The following RASSF8 variants were observed in gnomAD, a reference collection of about 807,000 sequenced individuals.
The protein encoded by RASSF8 is ras association domain-containing protein 8.
In RASSF8, 22 loss-of-function variants were observed where a neutral mutation model predicts 48.5. The observed-to-expected ratio is 0.45, with a 90% CI of 0.32 to 0.65. The LOEUF (loss-of-function observed/expected upper bound fraction) is 0.65, where lower values mean the gene tolerates loss of function less well. Ranked by LOEUF, RASSF8 falls within the 30% of genes least tolerant of loss-of-function variation. The pLI, the probability that RASSF8 is intolerant of heterozygous loss-of-function variation, is 0.03. For missense variants in RASSF8, 418 were observed against 489.2 expected, an observed-to-expected ratio of 0.85 and a Z score of 1.37; for synonymous variants, 127 against 171.5, an observed-to-expected ratio of 0.74 and a Z score of 2.03.
At chr12:26,076,600 C>T (rs1013161958), downstream of RASSF8, among the ~76,000 whole-genome samples, 4 of 151,954 alleles carry the variant, frequency 2.6e-5, no homozygotes, top group Admixed American at 2.0e-4. Flanking sequence ...TCAACTCATC[C>T]TTTTTTTATG....
intron 3 of RASSF8, among the ~76,000 whole-genome samples, chr12:26,058,538 GCA>G (rs61465811): frequency 0.14 from 21,600 of 149,016 alleles, 1,664 homozygotes; most frequent in African/African-American, 0.21. Flanking sequence ...ACGCGCGCGC[GCA>G]CACACACACA....
chr12:26,024,981 C>T (rs1329126421), intron 2 of RASSF8, among the ~76,000 whole-genome samples: 2 of 151,936 alleles, frequency 1.3e-5, no homozygotes, highest in African/African-American at 4.8e-5. Flanking sequence ...CAATTTAATA[C>T]ACTACATCAA....
At position 25,965,030 on chromosome 12, in the gene RASSF8, C is replaced by T. The variant is rs544587437; in HGVS notation, c.-203+5882C>T. Among the ~76,000 whole-genome samples the T allele has an allele frequency of 1.3e-3, 201 of 152,138 alleles. 2 individuals are homozygous for T. The highest frequency in any genetic ancestry group is 2.4e-3 in the Non-Finnish European group (164 of 68,012). On this transcript the variant is annotated intron_variant, in intron 1 of 5. Transcript: ENST00000689635. ...CGATCTTGGCTCACTGCAAGCTCCG[C>T]CTCCCGGGTTCATGCCATTCTCCCG...
intron 2 of RASSF8, among the ~76,000 whole-genome samples, chr12:26,005,142 CTT>C (rs1414173017): frequency 6.6e-6 from 1 of 150,626 alleles, no homozygotes; most frequent in African/African-American, 2.5e-5. Flanking sequence ...GTATTTGTGT[CTT>C]TTTAAATTTT....
chr12:26,025,084 C>T (rs1942876476), intron 2 of RASSF8, among the ~76,000 whole-genome samples: 1 of 152,128 alleles, frequency 6.6e-6, no homozygotes, highest in South Asian at 2.1e-4. Flanking sequence ...ATTCAACAAA[C>T]TAGGAATAGA....
chr12:25,958,416 G>T (rs1941130178), upstream of RASSF8: 1 of 151,664 alleles, frequency 6.6e-6, no homozygotes, highest in East Asian at 2.0e-4. Flanking sequence ...CCCGAGGGTC[G>T]CGCCGAGCTC....
intron 1 of RASSF8, among the ~76,000 whole-genome samples, chr12:25,964,905 C>T (rs551512354): frequency 1.3e-4 from 19 of 151,822 alleles, no homozygotes; most frequent in Admixed American, 4.6e-4. Context: ...TAATGACTTC[C>T]CTTATATTTC....
chr12:25,994,229 C>T (rs755419320), intron 1 of RASSF8, among the ~76,000 whole-genome samples: 8 of 150,482 alleles, frequency 5.3e-5, no homozygotes, highest in South Asian at 2.1e-4. Context: ...CATTTGGGGG[C>T]GGTATTTTCT....
intron 3 of RASSF8, among the ~76,000 whole-genome samples, chr12:26,058,639 C>T (rs972593704): frequency 2.0e-5 from 3 of 152,084 alleles, no homozygotes; most frequent in Non-Finnish European, 4.4e-5. Flanking sequence ...TAGAAACTAT[C>T]AAAATGACTT....
At chr12:26,027,720 C>G (rs1177330567) in intron 2 of RASSF8, among the ~76,000 whole-genome samples, 1 of 152,104 alleles carries the variant, frequency 6.6e-6, no homozygotes, top group African/African-American at 2.4e-5. Context: ...TATTAAGCAC[C>G]TATTATGTGT....
At chr12:25,987,154 G>A (rs1035014681) in intron 1 of RASSF8, among the ~76,000 whole-genome samples, 41 of 152,032 alleles carry the variant, frequency 2.7e-4, no homozygotes, top group Admixed American at 5.2e-4. Context: ...GGCTGGTCTC[G>A]AACTCCCAAC....
At chr12:25,980,303 T>C (rs1211295380) in intron 1 of RASSF8, among the ~76,000 whole-genome samples, 1 of 152,230 alleles carries the variant, frequency 6.6e-6, no homozygotes, top group African/African-American at 2.4e-5. Context: ...AATATGACTC[T>C]TTCCGTAATC....
At chr12:25,974,365 T>C (rs1218983367) in intron 1 of RASSF8, among the ~76,000 whole-genome samples, 1 of 152,106 alleles carries the variant, frequency 6.6e-6, no homozygotes, top group African/African-American at 2.4e-5. Context: ...TGATTTTAAA[T>C]GTGAGCAATG....
chr12:25,986,179 C>T (rs1180167313), intron 1 of RASSF8, among the ~76,000 whole-genome samples: 3 of 152,062 alleles, frequency 2.0e-5, no homozygotes, highest in Middle Eastern at 3.2e-3. Flanking sequence ...AAGTTGGGTT[C>T]AGATGTACCC....
chr12:25,981,465 G>A (rs770528562), intron 1 of RASSF8, among the ~76,000 whole-genome samples: 5 of 152,098 alleles, frequency 3.3e-5, no homozygotes, highest in East Asian at 1.9e-4. Flanking sequence ...GATGTTCCTC[G>A]TAGACAAAGA....
At chr12:25,962,037 T>TAG (rs1941248073) in intron 1 of RASSF8, among the ~76,000 whole-genome samples, 1 of 144,958 alleles carries the variant, frequency 6.9e-6, no homozygotes, top group African/African-American at 2.6e-5. Flanking sequence ...TGCAGTCTGT[T>TAG]TTACTACCAG....
At chr12:26,034,775 A>T (rs561284785) in intron 2 of RASSF8, among the ~76,000 whole-genome samples, 1 of 152,130 alleles carries the variant, frequency 6.6e-6, no homozygotes, top group Non-Finnish European at 1.5e-5. Flanking sequence ...ACACAGCAAA[A>T]TTATTTATTA....
chr12:25,995,979 C>T (rs1942123685), intron 2 of RASSF8, among the ~76,000 whole-genome samples: 1 of 152,166 alleles, frequency 6.6e-6, no homozygotes, highest in African/African-American at 2.4e-5. Flanking sequence ...TGATTTCCCC[C>T]TGAAATAAAA....
chr12:26,069,236 A>AC lies in RASSF8; in HGVS notation c.*419dup, dbSNP rs553831721. ...AATATTTTTATTGACTTATCCTGTGACTGACTTACGTTACATATTGTGTGA... is the reference window on the plus strand; with the variant it reads ...AATATTTTTATTGACTTATCCTGTGACCTGACTTACGTTACATATTGTGTGA... On this transcript the variant is annotated 3_prime_UTR_variant, in exon 6 of 6. Coordinates refer to ENST00000689635, the MANE Select transcript of RASSF8 (RefSeq NM_001394098.1). 405 of 987,982 alleles carry AC rather than the reference A, an allele frequency of 4.1e-4. 1 individual carries two copies. The highest frequency in any genetic ancestry group is 1.5e-3 in the Middle Eastern group (3 of 1,956). 61.2% of individuals were successfully genotyped at this position (987,982 alleles called of 1,614,324 possible). A position where few individuals can be genotyped will look rare whatever the true frequency, so the allele number is the denominator to read the frequency against.
Sources: gnomAD v4.1 joint callset for allele counts (sites outside exome capture counted in the v4.1 genomes callset) on GRCh38, gnomAD v4.1.1 for gene constraint, MANE v1.5 for transcripts, NCBI Gene and HGNC (gene_info 2026-07-23, HGNC 2026-07-21) for gene names.